The following TAFA1 variants were observed in gnomAD, a reference collection of about 807,000 sequenced individuals.
The protein encoded by TAFA1 is TAFA chemokine like family member 1, also known as chemokine-like protein TAFA-1.
A neutral mutation model predicts 18.5 loss-of-function variants in TAFA1; 4 were observed. The ratio of observed to expected loss-of-function variants is 0.22; its 90% CI spans 0.11 to 0.49. The LOEUF (loss-of-function observed/expected upper bound fraction) is 0.49. Among genes scored for constraint, TAFA1 ranks in the 20% least tolerant of loss-of-function variants. The pLI is 0.98. For synonymous variants in TAFA1, 56 were observed against 55.2 expected (o/e 1.01, Z -0.06); for missense variants, 147 against 169.0 (o/e 0.87, Z 0.72).
chr3:68,090,654 C>T (rs532085355), intron 2 of TAFA1, among the ~76,000 whole-genome samples: 9 of 152,240 alleles, frequency 5.9e-5, no homozygotes, highest in Admixed American at 3.9e-4. Context: ...ACTATAACCT[C>T]AGAGGGCAAA....
chr3:68,042,392 G>A (rs1206487268), intron 2 of TAFA1, among the ~76,000 whole-genome samples: 3 of 152,184 alleles, frequency 2.0e-5, no homozygotes, highest in Admixed American at 1.3e-4. Context: ...GCTCATGCCT[G>A]TAATCCCAGC....
At chr3:68,313,209 C>G (rs2068551326) in intron 2 of TAFA1, among the ~76,000 whole-genome samples, 1 of 152,196 alleles carries the variant, frequency 6.6e-6, no homozygotes. Context: ...TTGCTTATAA[C>G]ATTAATGTTG....
chr3:68,165,655 C>G (rs913000951), intron 2 of TAFA1, among the ~76,000 whole-genome samples: 3 of 152,192 alleles, frequency 2.0e-5, no homozygotes, highest in Non-Finnish European at 4.4e-5. Flanking sequence ...TAAGGCAAAG[C>G]CTGTTTATTT....
intron 2 of TAFA1, among the ~76,000 whole-genome samples, chr3:68,383,704 G>A (rs536218928): frequency 6.6e-6 from 1 of 152,234 alleles, no homozygotes; most frequent in South Asian, 2.1e-4. Flanking sequence ...CATAGAATGA[G>A]GTAGGGAGGA....
At chr3:68,366,188 T>A (rs190627653) in intron 2 of TAFA1, among the ~76,000 whole-genome samples, 49 of 151,514 alleles carry the variant, frequency 3.2e-4, no homozygotes, top group African/African-American at 9.9e-4. Context: ...TTATCTCCCA[T>A]GGGGTCCCTC....
chr3:68,119,288 T>C (rs943868484), intron 2 of TAFA1, among the ~76,000 whole-genome samples: 3 of 152,176 alleles, frequency 2.0e-5, no homozygotes, highest in Admixed American at 6.5e-5. Context: ...CTATTAACTC[T>C]TTATCAGATA....
chr3:68,521,935 C>A (rs955407000), intron 3 of TAFA1, among the ~76,000 whole-genome samples: 4 of 124,052 alleles, frequency 3.2e-5, no homozygotes, highest in African/African-American at 1.2e-4. Context: ...TCATGACTCA[C>A]TGCAGCCTCA....
At position 68,124,005 on chromosome 3, in the gene TAFA1, A is replaced by G. The variant is rs914929001; in HGVS notation, c.118+117261A>G. On this transcript the variant is annotated intron_variant, in intron 2 of 4. Coordinates refer to ENST00000478136, the MANE Select transcript of TAFA1 (RefSeq NM_213609.4). ...TAAAAAAGCTTCCTCAGGTCAGACC[A>G]TTGGACTATGTTAGGTGTGAGGGTC... 4.0e-5 allele frequency among the ~76,000 whole-genome samples: 6 copies of G among 149,612 alleles called. No homozygotes were observed. In the East Asian group the frequency reaches 1.2e-3, roughly 31 times the overall value.
intron 3 of TAFA1, among the ~76,000 whole-genome samples, chr3:68,434,300 A>G (rs1355208592): frequency 1.3e-5 from 2 of 152,136 alleles, no homozygotes; most frequent in African/African-American, 4.8e-5. Context: ...AGGAAGGCTC[A>G]ACAATTTCCT....
chr3:68,370,454 A>ATACATATGTATATATGTG (rs1669204440), intron 2 of TAFA1, among the ~76,000 whole-genome samples: 2 of 39,796 alleles, frequency 5.0e-5, no homozygotes, highest in Non-Finnish European at 8.5e-5. Context: ...ATGTATATAT[A>ATACATATGTATATATGTG]TGTGTGTGTG....
intron 2 of TAFA1, among the ~76,000 whole-genome samples, chr3:68,375,272 C>G (rs1444982969): frequency 6.6e-6 from 1 of 152,168 alleles, no homozygotes; most frequent in South Asian, 2.1e-4. Flanking sequence ...CCACTCCAGA[C>G]AGTGGTGTTA....
intron 3 of TAFA1, among the ~76,000 whole-genome samples, chr3:68,449,578 T>C (rs1349044675): frequency 6.6e-6 from 1 of 152,138 alleles, no homozygotes; most frequent in Non-Finnish European, 1.5e-5. Flanking sequence ...TATTTAAAAA[T>C]AAGAAGACTA....
intron 2 of TAFA1, among the ~76,000 whole-genome samples, chr3:68,382,905 C>T (rs141601857): frequency 1.3e-5 from 2 of 152,014 alleles, no homozygotes; most frequent in Admixed American, 6.6e-5. Flanking sequence ...ATAGTTCTTT[C>T]TGTAAAGATC....
chr3:68,085,662 T>G (rs939518851), intron 2 of TAFA1, among the ~76,000 whole-genome samples: 8 of 152,214 alleles, frequency 5.3e-5, no homozygotes, highest in African/African-American at 1.7e-4. Context: ...TTTTTGATTT[T>G]TATCCACTCC....
upstream of TAFA1, among the ~76,000 whole-genome samples, chr3:68,002,207 G>A (rs1463915216): frequency 1.3e-5 from 2 of 152,172 alleles, no homozygotes; most frequent in African/African-American, 4.8e-5. Flanking sequence ...TGGCTGCAAT[G>A]CAATGGACTG....
intron 3 of TAFA1, among the ~76,000 whole-genome samples, chr3:68,523,874 CA>C (rs1262164314): frequency 2.0e-5 from 3 of 151,962 alleles, no homozygotes; most frequent in African/African-American, 7.2e-5. Flanking sequence ...CATTTTTTTC[CA>C]AACTTCTGTC....
At chr3:67,997,263 T>TA in the TAFA1 span, among the ~76,000 whole-genome samples, 1 of 152,176 alleles carries the variant, frequency 6.6e-6, no homozygotes, top group African/African-American at 2.4e-5. Flanking sequence ...TAAAACTTTA[T>TA]AGAAATTTAT....
intron 2 of TAFA1, chr3:68,247,891 T>G (rs1396058174): frequency 6.6e-6 from 1 of 152,154 alleles, no homozygotes; most frequent in African/African-American, 2.4e-5. Context: ...TTTATTTGTA[T>G]AGAAATGAGT....
At chr3:68,065,996 T>C (rs2064673401) in intron 2 of TAFA1, among the ~76,000 whole-genome samples, 1 of 152,138 alleles carries the variant, frequency 6.6e-6, no homozygotes, top group Non-Finnish European at 1.5e-5. Context: ...GTGTACATAC[T>C]GTATGGTTTC....
Sources: allele counts gnomAD v4.1 joint callset (sites outside exome capture counted in the v4.1 genomes callset), GRCh38; gene constraint gnomAD v4.1.1; transcripts MANE v1.5; gene names NCBI Gene and HGNC (gene_info 2026-07-23, HGNC 2026-07-21).